The following CHL1 variants were observed in gnomAD, a reference collection of about 807,000 sequenced individuals.
The protein encoded by CHL1 is cell adhesion molecule L1 like.
A neutral mutation model predicts 141.9 loss-of-function variants in CHL1; 96 were observed. The ratio of observed to expected loss-of-function variants is 0.68; its 90% CI spans 0.57 to 0.80. CHL1 has a LOEUF of 0.80. Among genes scored for constraint, CHL1 ranks in the 30% least tolerant of loss-of-function variants. CHL1 has a pLI of 0.00. For missense variants in CHL1, 1,820 were observed against 1,457.2 expected, an observed-to-expected ratio of 1.25 and a Z score of -4.05; for synonymous variants, 613 against 502.2, an observed-to-expected ratio of 1.22 and a Z score of -2.95.
chr3:240,833 C>A lies in CHL1; in HGVS notation c.-174-3780C>A, dbSNP rs1215437142. On this transcript the variant is annotated intron_variant, in intron 1 of 27. Coordinates refer to ENST00000256509, the MANE Select transcript of CHL1 (RefSeq NM_006614.4). ...ACATGTGGCTTGCGAATTATCGCAG[C>A]ATCATTTGTTAAATAGGGTGTTCTT... is the stretch of plus-strand genomic sequence containing the variant. Among the ~76,000 whole-genome samples the A allele has an allele frequency of 2.0e-5, 3 of 149,100 alleles. No individual in the cohort carries two copies. In the East Asian group the frequency reaches 6.0e-4, roughly 30 times the overall value.
Position 363,349 on chromosome 3 carries a change from A to G in CHL1, c.1551A>G (p.Gly517=), listed in dbSNP as rs780315473. 22 of 1,611,782 alleles carry G rather than the reference A, an allele frequency of 1.4e-5. No homozygotes were observed. The highest frequency in any genetic ancestry group is 1.6e-5 in the Non-Finnish European group (19 of 1,179,292). The change falls in exon 14 of 28, where the codon GGA becomes GGG. Residue 517 remains glycine (G), a synonymous_variant. Coordinates refer to ENST00000256509, the MANE Select transcript of CHL1 (RefSeq NM_006614.4). ...SYSCWVENAI[G]KTAVTANLDI... is the part of the protein sequence containing the mutation. Reference sequence around the variant, plus strand: ...CATGTTGGGTAGAAAATGCTATAGGAAAAACTGCAGTCACAGCCAATTTGG... The same window carrying G: ...CATGTTGGGTAGAAAATGCTATAGGGAAAACTGCAGTCACAGCCAATTTGG...
intron 8 of CHL1, 151 bp from the exon 9 acceptor site, chr3:344,438 T>A (rs1243236239): frequency 5.4e-6 from 3 of 555,410 alleles, no homozygotes. Flanking sequence ...GGAGTCTATT[T>A]AAATGGAAAT....
In CHL1 at chr3:390,625, T is replaced by A. The variant is rs1368919856; in HGVS notation, c.2471-76T>A. 33 of 833,556 alleles carry A rather than the reference T, an allele frequency of 4.0e-5. 1 individual carries two copies. Among genetic ancestry groups the A allele is most frequent in the Non-Finnish European group, 6.4e-5 (32 of 498,784 alleles). The allele number at this position is 833,556 out of a possible 1,614,324, so 51.6% of individuals were successfully genotyped here. A position where few individuals can be genotyped will look rare whatever the true frequency, so the allele number is the denominator to read the frequency against. On this transcript the variant is annotated intron_variant, in intron 20 of 27. Coordinates refer to ENST00000256509, the MANE Select transcript of CHL1 (RefSeq NM_006614.4). Reference sequence around the variant, plus strand: ...AGTGCTTTCTCCAGAAGAAACATTATGAAAATTTTTGAAAAGGATCCTAAC... The same window carrying A: ...AGTGCTTTCTCCAGAAGAAACATTAAGAAAATTTTTGAAAAGGATCCTAAC...
At chr3:311,905 T>C (rs1326064961) in intron 2 of CHL1, among the ~76,000 whole-genome samples, 1 of 152,176 alleles carries the variant, frequency 6.6e-6, no homozygotes, top group African/African-American at 2.4e-5. Flanking sequence ...TTGGGATTAT[T>C]CTCCATCCCT....
At chr3:219,151 A>G (rs1700597057) in intron 1 of CHL1, among the ~76,000 whole-genome samples, 1 of 152,050 alleles carries the variant, frequency 6.6e-6, no homozygotes, top group Non-Finnish European at 1.5e-5. Context: ...TCTGTCAAAA[A>G]AAAAAAGGTC....
chr3:249,006 A>G (rs1338138778), intron 2 of CHL1, among the ~76,000 whole-genome samples: 5 of 152,218 alleles, frequency 3.3e-5, no homozygotes, highest in Non-Finnish European at 7.3e-5. Context: ...CCTCAAGAAA[A>G]TGCTATTTTT....
At chr3:332,534 T>A (rs1701522346) in intron 5 of CHL1, among the ~76,000 whole-genome samples, 1 of 152,206 alleles carries the variant, frequency 6.6e-6, no homozygotes, top group African/African-American at 2.4e-5. Flanking sequence ...GTGTTTTTTT[T>A]ACATTTATTC....
intron 1 of CHL1, among the ~76,000 whole-genome samples, chr3:224,012 AATG>A (rs1026904333): frequency 6.6e-6 from 1 of 152,114 alleles, no homozygotes; most frequent in Non-Finnish European, 1.5e-5. Flanking sequence ...TTTTCACAAT[AATG>A]ATGTTACCTA....
rs377571478 is a variant in CHL1 at position 382,705 on chromosome 3, A to G, written c.2176+34A>G. On this transcript the variant is annotated intron_variant, in intron 18 of 27. Coordinates refer to ENST00000256509, the MANE Select transcript of CHL1 (RefSeq NM_006614.4). ...GTTCTCACATCAGGTTTCTAACAAA[A>G]TATTTGTTTGTCCCCATCTTTGAAC... is the stretch of plus-strand genomic sequence containing the variant. 4 of 1,564,966 alleles carry G rather than the reference A, an allele frequency of 2.6e-6. No individual in the cohort carries two copies. The African/African-American group carries it at 4.1e-5, about 16-fold the overall frequency.
Position 286,702 on chromosome 3 carries a change from C to T in CHL1, c.-94-32981C>T, listed in dbSNP as rs368926852. On this transcript the variant is annotated intron_variant, in intron 2 of 27. Coordinates refer to ENST00000256509, the MANE Select transcript of CHL1 (RefSeq NM_006614.4). ...AACAGAAGCATGAGCTACCCAGTTGCTTATACTTATTGTTACTTATTGATT... is the reference window on the plus strand; with the variant it reads ...AACAGAAGCATGAGCTACCCAGTTGTTTATACTTATTGTTACTTATTGATT... Among the ~76,000 whole-genome samples the T allele has an allele frequency of 2.0e-5, 3 of 151,754 alleles. No individual in the cohort carries two copies. In the East Asian group the frequency reaches 5.8e-4, roughly 29 times the overall value.
At position 375,192 on chromosome 3, in the gene CHL1, T is replaced by G. The variant is rs115598749; in HGVS notation, c.1752-2626T>G. ...CATACAGGCTATAGACCATACACTATGGTTATGAAAAATGAAATGGAGCAT... is the reference window on the plus strand; with the variant it reads ...CATACAGGCTATAGACCATACACTAGGGTTATGAAAAATGAAATGGAGCAT... On this transcript the variant is annotated intron_variant, in intron 15 of 27. Transcript: ENST00000256509. Among the ~76,000 whole-genome samples, 315 of 152,296 alleles carry G rather than the reference T, an allele frequency of 2.1e-3. 1 individual carries two copies. Among genetic ancestry groups the G allele is most frequent in the African/African-American group, 7.2e-3 (300 of 41,574 alleles).
At position 378,082 on chromosome 3, in the gene CHL1, A is replaced by G. The variant is rs1198888811; in HGVS notation, c.1876+140A>G. 3 of 602,154 alleles carry G rather than the reference A, an allele frequency of 5.0e-6. No homozygotes were observed. In the Admixed American group the frequency reaches 1.1e-4, roughly 22 times the overall value. The allele number at this position is 602,154 out of a possible 1,614,324, so 37.3% of individuals were successfully genotyped here. A position where few individuals can be genotyped will look rare whatever the true frequency, so the allele number is the denominator to read the frequency against. Reference sequence around the variant, plus strand: ...TTCAAATTTTTGTTTAAAAAGCAACACAACTTCAAATCCTTTCTCCTTTTT... The same window carrying G: ...TTCAAATTTTTGTTTAAAAAGCAACGCAACTTCAAATCCTTTCTCCTTTTT... On this transcript the variant is annotated intron_variant, in intron 16 of 27. Coordinates refer to ENST00000256509, the MANE Select transcript of CHL1 (RefSeq NM_006614.4).
In CHL1 at chr3:356,269, G is replaced by A. The variant is rs189306171; in HGVS notation, c.1165+1498G>A. 1.3e-3 allele frequency among the ~76,000 whole-genome samples: 191 copies of A among 152,188 alleles called. 1 individual carries two copies. The highest frequency in any genetic ancestry group is 3.4e-3 in the Middle Eastern group (1 of 294). On this transcript the variant is annotated intron_variant, in intron 11 of 27. Transcript: ENST00000256509. ...CAAAAGTAAGGAACGCAGATTCTCC[G>A]GAACACAAAATCATAAAATATTATA...
intron 1 of CHL1, among the ~76,000 whole-genome samples, chr3:222,176 C>A (rs932142273): frequency 6.6e-6 from 1 of 152,094 alleles, no homozygotes; most frequent in Non-Finnish European, 1.5e-5. Context: ...ACCAACATAC[C>A]TTTTTCTGTT....
intron 1 of CHL1, among the ~76,000 whole-genome samples, chr3:211,215 G>C (rs1699878925): frequency 6.6e-6 from 1 of 152,204 alleles, no homozygotes; most frequent in Non-Finnish European, 1.5e-5. Flanking sequence ...ATTGATTACA[G>C]CCACAAATGG....
intron 4 of CHL1, among the ~76,000 whole-genome samples, chr3:327,779 T>C (rs921485042): frequency 6.6e-6 from 1 of 151,982 alleles, no homozygotes; most frequent in East Asian, 1.9e-4. Context: ...GCAAGTGTAA[T>C]AATACTGGGC....
At chr3:392,510 G>T (rs183374840) in intron 23 of CHL1, among the ~76,000 whole-genome samples, 1 of 152,218 alleles carries the variant, frequency 6.6e-6, no homozygotes, top group Admixed American at 6.5e-5. Context: ...ATAGCAGCGC[G>T]TTCCCTCTGA....
chr3:388,824 C>T (rs1707987809), intron 19 of CHL1, among the ~76,000 whole-genome samples: 1 of 152,126 alleles, frequency 6.6e-6, no homozygotes, highest in Non-Finnish European at 1.5e-5. Flanking sequence ...CTTCAAAAAG[C>T]CATGGGAGAA....
chr3:363,247 G>C lies in CHL1; in HGVS notation c.1449G>C (p.Glu483Asp). ...AGGTGGAAGAAGTGAAACCCCTGGA[G>C]GGCAGGCGGTATCATATCTATGAAA... ...WQKVEEVKPLEGRRYHIYENG... is the reference protein window; with the variant it reads ...WQKVEEVKPLDGRRYHIYENG... Residue 483 changes from glutamate (E) to aspartate (D), a missense_variant, in exon 14 of 28, where the codon GAG becomes GAC. Transcript: ENST00000256509. 1 of 1,613,048 alleles carries C rather than the reference G, an allele frequency of 6.2e-7. No individual in the cohort carries two copies. The highest frequency in any genetic ancestry group is 8.5e-7 in the Non-Finnish European group (1 of 1,179,500).
Sources: allele counts gnomAD v4.1 joint callset (sites outside exome capture counted in the v4.1 genomes callset), GRCh38; gene constraint gnomAD v4.1.1; transcripts MANE v1.5; gene names NCBI Gene and HGNC (gene_info 2026-07-23, HGNC 2026-07-21).